The following PTPRK variants were observed in gnomAD, a reference collection of about 807,000 sequenced individuals.
PTPRK encodes receptor-type tyrosine-protein phosphatase kappa.
In PTPRK, 75 loss-of-function variants were observed where a neutral mutation model predicts 178.0. The observed-to-expected ratio is 0.42, with a 90% CI of 0.35 to 0.51. The LOEUF is 0.51. Ranked by LOEUF, PTPRK falls within the 20% of genes least tolerant of loss-of-function variation. The pLI is 0.02. For synonymous variants in PTPRK, 637 were observed against 620.6 expected (o/e 1.03, Z -0.39); for missense variants, 1,441 against 1,797.8 (o/e 0.80, Z 3.59).
chr6:128,032,180 G>T (rs1251252666), intron 13 of PTPRK, among the ~76,000 whole-genome samples: 1 of 152,194 alleles, frequency 6.6e-6, no homozygotes, highest in Admixed American at 6.5e-5. Flanking sequence ...TCGGGCTGCT[G>T]CCTCTCACCT....
chr6:127,973,181 A>T (rs745815791), intron 28 of PTPRK, 24 bp from the exon 29 acceptor site: 1 of 1,613,328 alleles, frequency 6.2e-7, no homozygotes, highest in Non-Finnish European at 8.5e-7. Context: ...AAGCAAAGGC[A>T]TTTTAGATAG....
intron 12 of PTPRK, 148 bp downstream of exon 12, chr6:128,067,371 A>C: frequency 1.2e-6 from 1 of 824,994 alleles, no homozygotes; most frequent in South Asian, 4.3e-5. Flanking sequence ...TAGCCCCAAA[A>C]CTGCGCACAC....
At chr6:128,165,025 G>C (rs1263854372) in intron 7 of PTPRK, among the ~76,000 whole-genome samples, 1 of 151,116 alleles carries the variant, frequency 6.6e-6, no homozygotes, top group Non-Finnish European at 1.5e-5. Flanking sequence ...AAATTTTACA[G>C]TTGAAAGTTT....
intron 7 of PTPRK, among the ~76,000 whole-genome samples, chr6:128,134,414 TGTG>T: frequency 6.6e-6 from 1 of 152,330 alleles, no homozygotes; most frequent in South Asian, 2.1e-4. Flanking sequence ...TATAGTCACC[TGTG>T]ATAGTTTTAT....
chr6:128,008,921 A>G (rs1406020144), intron 14 of PTPRK, among the ~76,000 whole-genome samples: 1 of 151,244 alleles, frequency 6.6e-6, no homozygotes, highest in Non-Finnish European at 1.5e-5. Flanking sequence ...AACAAAAAGC[A>G]TATGTTTATA....
Position 128,238,352 on chromosome 6 carries a change from CA to C in PTPRK, c.693+1682del, listed in dbSNP as rs201208932. On this transcript the variant is annotated intron_variant, in intron 5 of 29. Transcript: ENST00000368226. ...GACTATCTACAAAATAGAAAGCAAA[CA>C]AAAAAAAAAAATGAGCAGTATTGGG... 4.8e-3 allele frequency among the ~76,000 whole-genome samples: 673 copies of C among 140,056 alleles called. 4 individuals carry two copies. The highest frequency in any genetic ancestry group is 0.012 in the African/African-American group (460 of 38,320). 91.9% of individuals were successfully genotyped at this position (140,056 alleles called of 152,430 possible).
intron 7 of PTPRK, among the ~76,000 whole-genome samples, chr6:128,136,219 C>A (rs1302469341): frequency 6.6e-6 from 1 of 152,166 alleles, no homozygotes; most frequent in African/African-American, 2.4e-5. Flanking sequence ...AGACTTGCAG[C>A]CTCCAGAACC....
In PTPRK at chr6:127,983,285, A is replaced by G; in HGVS notation, c.3344T>C (p.Val1115Ala). Reference sequence around the variant, plus strand: ...AATACGCCGAGATCTTAAGGCTTTGACACAATTGTAAATATCAACAACACC... The same window carrying G: ...AATACGCCGAGATCTTAAGGCTTTGGCACAATTGTAAATATCAACAACACC... The part of the protein sequence containing the change: ...REGVVDIYNC[V>A]KALRSRRINM... Residue 1115 changes from valine (V) to alanine (A), a missense_variant, in exon 23 of 30, where the codon GTC (valine) becomes GCC (alanine). This residue lies in a region of PTPRK where 335 missense variants were observed against 512.4 expected (regional missense o/e 0.65). Transcript: ENST00000368226. 1 of 1,613,708 alleles carries G rather than the reference A, an allele frequency of 6.2e-7. No homozygotes were observed. Among genetic ancestry groups the G allele is most frequent in the Non-Finnish European group, 8.5e-7 (1 of 1,179,698 alleles).
At position 128,242,603 on chromosome 6, in the gene PTPRK, C is replaced by T; in HGVS notation, c.496-1G>A. On this transcript the variant is annotated splice_acceptor_variant, in intron 3 of 29. Coordinates refer to ENST00000368226, the MANE Select transcript of PTPRK (RefSeq NM_002844.4). LOFTEE classifies it high-confidence loss of function. ...CTGAGACTTCAGCTTCAAATATTAC[C>T]TGTCAAAAAGAAACAGAAAATATTT... 1.2e-6 allele frequency: 2 copies of T among 1,611,276 alleles called. No homozygotes were observed. The highest frequency in any genetic ancestry group is 1.7e-5 in the Admixed American group (1 of 59,762).
chr6:128,499,662 T>G (rs1167351395), intron 1 of PTPRK, among the ~76,000 whole-genome samples: 2 of 152,212 alleles, frequency 1.3e-5, no homozygotes, highest in East Asian at 3.9e-4. Context: ...GTATAGTAAC[T>G]TTCCCATATT....
At chr6:128,271,999 G>C (rs1046522386) in intron 3 of PTPRK, among the ~76,000 whole-genome samples, 2 of 151,936 alleles carry the variant, frequency 1.3e-5, no homozygotes, top group Non-Finnish European at 2.9e-5. Flanking sequence ...AGTTCTGCAT[G>C]ACTGATTGTA....
chr6:128,120,698 T>C (rs1443906207), intron 7 of PTPRK, among the ~76,000 whole-genome samples: 1 of 151,978 alleles, frequency 6.6e-6, no homozygotes, highest in East Asian at 1.9e-4. Flanking sequence ...ATCAGGTGTG[T>C]TGGAGAATAT....
intron 7 of PTPRK, among the ~76,000 whole-genome samples, chr6:128,096,654 T>C (rs1303413934): frequency 1.3e-5 from 2 of 152,164 alleles, no homozygotes; most frequent in East Asian, 3.9e-4. Context: ...TTGTCAAAGA[T>C]GTACACAAAC....
At chr6:128,018,944 C>T (rs914984651) in intron 13 of PTPRK, among the ~76,000 whole-genome samples, 9 of 151,986 alleles carry the variant, frequency 5.9e-5, no homozygotes, top group African/African-American at 2.2e-4. Flanking sequence ...AAGTGTTCTT[C>T]CTTTAGAGAG....
At chr6:128,013,410 C>G (rs759485689) in intron 13 of PTPRK, among the ~76,000 whole-genome samples, 6 of 151,374 alleles carry the variant, frequency 4.0e-5, no homozygotes, top group Non-Finnish European at 8.9e-5. Context: ...GAATTCCTGA[C>G]CCATGGAGTC....
chr6:128,276,919 T>C (rs1189335118), intron 3 of PTPRK, among the ~76,000 whole-genome samples: 3 of 152,128 alleles, frequency 2.0e-5, no homozygotes, highest in African/African-American at 4.8e-5. Flanking sequence ...ATGAGATATA[T>C]ATACTCTTCC....
chr6:128,467,648 C>T (rs62425728), intron 1 of PTPRK, among the ~76,000 whole-genome samples: 2 of 152,154 alleles, frequency 1.3e-5, no homozygotes, highest in Middle Eastern at 3.2e-3. Context: ...TTATGTAAAC[C>T]TACTAGTTTC....
intron 5 of PTPRK, chr6:128,235,352 C>T (rs1478602764): frequency 1.8e-5 from 3 of 163,924 alleles, no homozygotes; most frequent in East Asian, 3.7e-4. Context: ...TTTTATTTTT[C>T]CTGTAAGAAA....
At chr6:128,323,446 T>C (rs7776405) in intron 2 of PTPRK, among the ~76,000 whole-genome samples, 17,755 of 152,170 alleles carry the variant, frequency 0.12, 1,558 homozygotes, top group African/African-American at 0.24. Flanking sequence ...TGTAGTGTTA[T>C]AAAACTCAGT....
Sources: gnomAD v4.1 joint callset for allele counts (sites outside exome capture counted in the v4.1 genomes callset) on GRCh38, gnomAD v4.1.1 for gene constraint, gnomAD v4.1.1 regional missense constraint, MANE v1.5 for transcripts, NCBI Gene and HGNC (gene_info 2026-07-23, HGNC 2026-07-21) for gene names.